The following TSPAN11 variants were observed in gnomAD, a reference collection of about 807,000 sequenced individuals.
TSPAN11 encodes tetraspanin 11.
TSPAN11 carries 29 observed loss-of-function variants against 32.9 expected under a neutral mutation model. The observed-to-expected ratio is 0.88, with a 90% confidence interval of 0.66 to 1.20. The LOEUF (loss-of-function observed/expected upper bound fraction) is 1.20. Ranked by LOEUF, TSPAN11 falls within the 50% of genes most tolerant of loss-of-function variation. The pLI, the probability that TSPAN11 is intolerant of heterozygous loss-of-function variation, is 0.00. For missense variants in TSPAN11, 283 were observed against 329.1 expected (o/e 0.86, Z 1.08); for synonymous variants, 140 against 141.3 (o/e 0.99, Z 0.07).
chr12:30,992,132 T>C lies in TSPAN11; in HGVS notation c.*217T>C, dbSNP rs1303230294. 1.6e-6 allele frequency: 1 copy of C among 606,168 alleles called. No individual in the cohort carries two copies. Among genetic ancestry groups the C allele is most frequent in the Non-Finnish European group, 2.9e-6 (1 of 339,212 alleles). 37.5% of individuals were successfully genotyped at this position (606,168 alleles called of 1,614,324 possible). A position where few individuals can be genotyped will look rare whatever the true frequency, so the allele number is the denominator to read the frequency against. On this transcript the variant is annotated 3_prime_UTR_variant, in exon 8 of 8. Coordinates refer to ENST00000546076, the MANE Select transcript of TSPAN11 (RefSeq NM_001370302.1). The stretch of plus-strand genomic sequence containing the variant: ...CCTCTCCTCCATTTCTGAGCCCCCA[T>C]GGCCAGATCCTGGGCAGGGAAATGA...
intron 1 of TSPAN11, among the ~76,000 whole-genome samples, chr12:30,941,314 T>A (rs1451759062): frequency 6.6e-6 from 1 of 152,240 alleles, no homozygotes; most frequent in African/African-American, 2.4e-5. Flanking sequence ...CCGCATATAC[T>A]GTGGGACAAC....
chr12:30,983,950 C>G (rs1939149014), intron 7 of TSPAN11, among the ~76,000 whole-genome samples: 1 of 152,210 alleles, frequency 6.6e-6, no homozygotes, highest in South Asian at 2.1e-4. Flanking sequence ...AGCTGTCTCC[C>G]TGAGGATGAG....
intron 3 of TSPAN11, among the ~76,000 whole-genome samples, chr12:30,967,827 C>T (rs1938769572): frequency 9.0e-6 from 1 of 111,206 alleles, no homozygotes; most frequent in Non-Finnish European, 2.0e-5. Context: ...GCTTTATCTG[C>T]CCCTCTGTGA....
chr12:30,986,501 A>C (rs898897504), intron 7 of TSPAN11, among the ~76,000 whole-genome samples: 2 of 152,208 alleles, frequency 1.3e-5, no homozygotes, highest in African/African-American at 4.8e-5. Context: ...GCCTCCCCTC[A>C]CTGCCCTTGG....
At chr12:31,005,181 A>G in the TSPAN11 span, among the ~76,000 whole-genome samples, 11 of 152,346 alleles carry the variant, frequency 7.2e-5, no homozygotes, top group Admixed American at 3.3e-4. Flanking sequence ...CAACACAGTA[A>G]AAAGTTATCA....
chr12:31,000,576 A>C (rs1355903251), downstream of TSPAN11, among the ~76,000 whole-genome samples: 1 of 152,246 alleles, frequency 6.6e-6, no homozygotes, highest in Non-Finnish European at 1.5e-5. Flanking sequence ...CCCAAGGTTC[A>C]CATGGACACC....
chr12:30,978,510 C>A, intron 3 of TSPAN11, 51 bp from the exon 4 acceptor site: 1 of 1,584,636 alleles, frequency 6.3e-7, no homozygotes, highest in South Asian at 1.1e-5. Context: ...AAACATTTGT[C>A]ATAGCAGCAA....
intron 5 of TSPAN11, among the ~76,000 whole-genome samples, chr12:30,981,952 A>G (rs921580802): frequency 2.0e-5 from 3 of 152,180 alleles, no homozygotes; most frequent in African/African-American, 7.2e-5. Context: ...ATCATTTTAT[A>G]TCTGGGCTGG....
At chr12:30,978,537 A>C in intron 3 of TSPAN11, 24 bp from the exon 4 acceptor site, 1 of 1,613,096 alleles carries the variant, frequency 6.2e-7, no homozygotes, top group South Asian at 1.1e-5. Flanking sequence ...CCCAGTGGTG[A>C]CCGTCCTCTC....
At chr12:30,936,692 C>T (rs1198413258) in intron 1 of TSPAN11, among the ~76,000 whole-genome samples, 1 of 152,136 alleles carries the variant, frequency 6.6e-6, no homozygotes, top group Non-Finnish European at 1.5e-5. Context: ...ATTAGAAATA[C>T]AAGATGGATG....
downstream of TSPAN11, among the ~76,000 whole-genome samples, chr12:31,000,690 A>T (rs1297446910): frequency 6.6e-6 from 1 of 152,182 alleles, no homozygotes; most frequent in Non-Finnish European, 1.5e-5. Flanking sequence ...AAGGGTGGTG[A>T]CGGCTGATAA....
At chr12:30,964,669 G>A (rs1043538782) in intron 3 of TSPAN11, among the ~76,000 whole-genome samples, 2 of 152,126 alleles carry the variant, frequency 1.3e-5, no homozygotes, top group African/African-American at 4.8e-5. Context: ...GAGTTTCAGT[G>A]TGTATCTCTA....
intron 5 of TSPAN11, among the ~76,000 whole-genome samples, chr12:30,982,127 C>T (rs996585430): frequency 1.1e-4 from 16 of 152,122 alleles, no homozygotes; most frequent in African/African-American, 3.9e-4. Flanking sequence ...ATCTCTGTCC[C>T]CACGTCCTGA....
chr12:30,950,893 A>T (rs1938367912), intron 1 of TSPAN11, among the ~76,000 whole-genome samples: 1 of 152,218 alleles, frequency 6.6e-6, no homozygotes. Context: ...GGCATTTATT[A>T]ATGATTAAGA....
At chr12:30,984,601 C>G (rs560262975) in intron 7 of TSPAN11, among the ~76,000 whole-genome samples, 162 of 139,932 alleles carry the variant, frequency 1.2e-3, no homozygotes, top group Non-Finnish European at 2.1e-3. Context: ...CTCTGTTGCC[C>G]AGGCTGGAGT....
intron 1 of TSPAN11, among the ~76,000 whole-genome samples, chr12:30,934,813 C>T (rs1938008834): frequency 6.6e-6 from 1 of 152,062 alleles, no homozygotes. Flanking sequence ...ATAACTTTCT[C>T]AGTATACAGA....
intron 2 of TSPAN11, chr12:30,954,923 A>C (rs927238441): frequency 1.3e-5 from 2 of 152,154 alleles, no homozygotes; most frequent in Non-Finnish European, 2.9e-5. Flanking sequence ...AATACCACCA[A>C]ATCAACCCAT....
chr12:31,005,569 G>A, the TSPAN11 span, among the ~76,000 whole-genome samples: 2 of 152,172 alleles, frequency 1.3e-5, no homozygotes, highest in East Asian at 1.9e-4. Context: ...CAGGTGCCCC[G>A]TGCCCCAGGT....
At chr12:30,983,209 A>G in intron 7 of TSPAN11, 59 bp downstream of exon 7, 1 of 1,518,514 alleles carries the variant, frequency 6.6e-7, no homozygotes, top group Non-Finnish European at 8.9e-7. Context: ...TCTCCCATTG[A>G]CACAGGTCTT....
Sources: allele counts gnomAD v4.1 joint callset (sites outside exome capture counted in the v4.1 genomes callset), GRCh38; gene constraint gnomAD v4.1.1; transcripts MANE v1.5; gene names NCBI Gene and HGNC (gene_info 2026-07-23, HGNC 2026-07-21).